Variants in MYO5B observed in about 807,000 individuals in gnomAD.
MYO5B encodes myosin VB.
MYO5B carries 143 observed loss-of-function variants against 229.3 expected under a neutral mutation model. The ratio of observed to expected loss-of-function variants is 0.62; its 90% confidence interval spans 0.54 to 0.72. MYO5B has a LOEUF of 0.72. Among genes scored for constraint, MYO5B ranks in the 30% least tolerant of loss-of-function variants. The pLI is 0.00. For synonymous variants in MYO5B, 918 were observed against 885.2 expected, an observed-to-expected ratio of 1.04 and a Z score of -0.66; for missense variants, 2,321 against 2,331.0, an observed-to-expected ratio of 1.00 and a Z score of 0.09.
intron 1 of MYO5B, among the ~76,000 whole-genome samples, chr18:50,113,363 C>T (rs530921607): frequency 3.9e-5 from 6 of 152,178 alleles, no homozygotes; most frequent in Non-Finnish European, 8.8e-5. Flanking sequence ...GTGATGCTGT[C>T]GTGATCATTT....
intron 1 of MYO5B, among the ~76,000 whole-genome samples, chr18:50,099,929 T>C (rs933504645): frequency 6.6e-6 from 1 of 152,200 alleles, no homozygotes; most frequent in Admixed American, 6.5e-5. Flanking sequence ...ACTGGGCCAG[T>C]TCAGGACACT....
rs562920384 is a variant in MYO5B at position 49,991,543 on chromosome 18, T to C, written c.756+745A>G. ...GGATTACAAAGAGGCAAAGAGTAGC[T>C]GGCAGGAGGAAACTAAAGGTAAGCG... On this transcript the variant is annotated intron_variant, in intron 6 of 39. Transcript: ENST00000285039. Among the ~76,000 whole-genome samples the C allele has an allele frequency of 1.7e-4, 26 of 152,188 alleles. No homozygotes were observed. The South Asian group carries it at 5.2e-3, about 30-fold the overall frequency.
At chr18:49,874,670 G>C (rs1303278504) in intron 26 of MYO5B, among the ~76,000 whole-genome samples, 1 of 152,226 alleles carries the variant, frequency 6.6e-6, no homozygotes, top group Non-Finnish European at 1.5e-5. Flanking sequence ...GGAAGGGGTA[G>C]GGATTGAGAA....
At chr18:49,946,909 C>A (rs1357297093) in intron 14 of MYO5B, among the ~76,000 whole-genome samples, 1 of 152,008 alleles carries the variant, frequency 6.6e-6, no homozygotes, top group African/African-American at 2.4e-5. Context: ...GATGACAGGA[C>A]TGAAAGACTA....
At chr18:49,848,921 C>A (rs1234290813) in intron 32 of MYO5B, among the ~76,000 whole-genome samples, 1 of 152,018 alleles carries the variant, frequency 6.6e-6, no homozygotes, top group Non-Finnish European at 1.5e-5. Flanking sequence ...TTGTGCCCAA[C>A]ACACAAGTGG....
rs181442643 is a variant in MYO5B at position 50,051,909 on chromosome 18, A to G, written c.138+3359T>C. ...GGAAGTTGGTGTTTAATGGGGACCA[A>G]GTTTCAGTTGTAAAAGAGGAAGAGT... On this transcript the variant is annotated intron_variant, in intron 2 of 39. Coordinates refer to ENST00000285039, the MANE Select transcript of MYO5B (RefSeq NM_001080467.3). Among the ~76,000 whole-genome samples, 4 of 152,278 alleles carry G rather than the reference A, an allele frequency of 2.6e-5. No individual in the cohort carries two copies. The East Asian group carries it at 7.7e-4, about 29-fold the overall frequency.
chr18:49,970,678 C>T (rs1004872556), intron 10 of MYO5B, among the ~76,000 whole-genome samples: 2 of 152,196 alleles, frequency 1.3e-5, no homozygotes, highest in Admixed American at 6.5e-5. Context: ...AGAATTATTT[C>T]GGTTCATGAA....
rs1453643896 is a variant in MYO5B, at chr18:49,825,581, A to C, written c.*890T>G. Reference sequence around the variant, plus strand: ...GGAAGCTTAATGGTATTAAGAGATTAAAAGCTTTCATATTGACTTGTTTGG... The same window carrying C: ...GGAAGCTTAATGGTATTAAGAGATTCAAAGCTTTCATATTGACTTGTTTGG... On this transcript the variant is annotated 3_prime_UTR_variant, in exon 40 of 40. Transcript: ENST00000285039. The C allele has an allele frequency of 6.6e-6, 1 of 152,240 alleles. No individual in the cohort carries two copies. The allele number at this position is 152,240 out of a possible 1,614,324, so 9.4% of individuals were successfully genotyped here. A position where few individuals can be genotyped will look rare whatever the true frequency, so the allele number is the denominator to read the frequency against.
chr18:49,913,668 T>C (rs968277263), intron 17 of MYO5B, among the ~76,000 whole-genome samples: 2 of 152,136 alleles, frequency 1.3e-5, no homozygotes. Flanking sequence ...GCAAAGGCCC[T>C]ACCCTCAAGC....
rs2029972582 is a variant in MYO5B, at chr18:50,040,253, A to G, written c.200T>C (p.Ile67Thr). 1 of 1,614,148 alleles carries G rather than the reference A, an allele frequency of 6.2e-7. No homozygotes were observed. Among genetic ancestry groups the G allele is most frequent in the Non-Finnish European group, 8.5e-7 (1 of 1,180,002 alleles). The change falls in exon 3 of 40, where the codon ATC (isoleucine) becomes ACC (threonine). Residue 67 changes from isoleucine (I) to threonine (T), a missense_variant. Physicochemically the swap from Ile to Thr is moderately conservative, Grantham distance 89. This residue lies in a region of MYO5B where 2,113 missense variants were observed against 2,044.7 expected (regional missense o/e 1.03). Transcript: ENST00000285039. ...AGTCAGGTCATTTTCTCCCACCAAG[A>G]TATCTGGATTCCGTAAGAAGGGCAG... Reference protein sequence around the residue: ...NQLPFLRNPDILVGENDLTAL... With the variant: ...NQLPFLRNPDTLVGENDLTAL...
intron 10 of MYO5B, among the ~76,000 whole-genome samples, chr18:49,968,335 A>G (rs1913365753): frequency 6.6e-6 from 1 of 152,220 alleles, no homozygotes; most frequent in Non-Finnish European, 1.5e-5. Context: ...CCTGGAAATT[A>G]TCGCCAGCCC....
chr18:50,108,264 G>T (rs1046942499), intron 1 of MYO5B, among the ~76,000 whole-genome samples: 1 of 152,154 alleles, frequency 6.6e-6, no homozygotes, highest in African/African-American at 2.4e-5. Context: ...AACCACCTAT[G>T]TAAGAATCTC....
At chr18:49,875,203 G>A (rs571814734) in intron 26 of MYO5B, among the ~76,000 whole-genome samples, 2 of 152,310 alleles carry the variant, frequency 1.3e-5, no homozygotes, top group South Asian at 4.1e-4. Flanking sequence ...AGACCCAAGA[G>A]GCTGCTGATA....
intron 1 of MYO5B, among the ~76,000 whole-genome samples, chr18:50,153,088 T>C (rs1275563900): frequency 1.3e-5 from 2 of 152,182 alleles, no homozygotes; most frequent in African/African-American, 4.8e-5. Flanking sequence ...GAAATTTGGA[T>C]TCCCAGGTAG....
At chr18:49,991,899 A>G (rs2025938048) in intron 6 of MYO5B, among the ~76,000 whole-genome samples, 1 of 152,124 alleles carries the variant, frequency 6.6e-6, no homozygotes, top group Non-Finnish European at 1.5e-5. Flanking sequence ...TATTTTTTAA[A>G]CCTACTAAAT....
chr18:50,079,260 G>A (rs369487374), intron 1 of MYO5B, among the ~76,000 whole-genome samples: 13 of 152,304 alleles, frequency 8.5e-5, no homozygotes, highest in South Asian at 2.1e-4. Context: ...AGAATTTTCC[G>A]TCTTGCTTTA....
At chr18:50,115,267 C>T (rs988782106) in intron 1 of MYO5B, among the ~76,000 whole-genome samples, 1 of 152,138 alleles carries the variant, frequency 6.6e-6, no homozygotes, top group African/African-American at 2.4e-5. Context: ...TCAAACACAC[C>T]ACAAGGTCCT....
At chr18:50,153,687 T>G in intron 1 of MYO5B, among the ~76,000 whole-genome samples, 1 of 152,230 alleles carries the variant, frequency 6.6e-6, no homozygotes, top group East Asian at 1.9e-4. Flanking sequence ...TGACCTCTAG[T>G]GATCTGCCCG....
intron 1 of MYO5B, among the ~76,000 whole-genome samples, chr18:50,100,260 G>C (rs2031630179): frequency 6.6e-6 from 1 of 152,204 alleles, no homozygotes; most frequent in Admixed American, 6.5e-5. Flanking sequence ...TGAGACATCT[G>C]CTTCTGCTAA....
Sources: gnomAD v4.1 joint callset for allele counts (sites outside exome capture counted in the v4.1 genomes callset) on GRCh38, gnomAD v4.1.1 for gene constraint, gnomAD v4.1.1 regional missense constraint, MANE v1.5 for transcripts, NCBI Gene and HGNC (gene_info 2026-07-23, HGNC 2026-07-21) for gene names.